Variants in CLSTN2 observed in about 807,000 individuals in gnomAD.
CLSTN2 encodes the protein calsyntenin 2.
A neutral mutation model predicts 101.2 loss-of-function variants in CLSTN2; 48 were observed. The ratio of observed to expected loss-of-function variants is 0.47; its 90% confidence interval spans 0.38 to 0.60. The LOEUF (loss-of-function observed/expected upper bound fraction) is 0.60, where lower values mean the gene tolerates loss of function less well. CLSTN2 is among the 20% of genes least tolerant of loss of function. The probability of loss-of-function intolerance (pLI) is 0.00; values close to 1 mark genes in which losing one functional copy is unlikely to be tolerated. For synonymous variants in CLSTN2, 481 were observed against 463.6 expected (o/e 1.04, Z -0.48); for missense variants, 1,160 against 1,238.2 (o/e 0.94, Z 0.95).
At chr3:139,957,874 GGAAACTTT>G (rs1935439659) in intron 1 of CLSTN2, among the ~76,000 whole-genome samples, 1 of 151,796 alleles carries the variant, frequency 6.6e-6, no homozygotes, top group Non-Finnish European at 1.5e-5. Flanking sequence ...GGCTAGTGCA[GGAAACTTT>G]CTTGGGCACT....
intron 8 of CLSTN2, among the ~76,000 whole-genome samples, chr3:140,469,717 A>G (rs1025501966): frequency 3.3e-5 from 5 of 152,188 alleles, no homozygotes; most frequent in African/African-American, 1.2e-4. Flanking sequence ...TCTTCTGTGC[A>G]TGTTATAGGC....
chr3:140,155,487 C>A (rs983673035), intron 1 of CLSTN2, among the ~76,000 whole-genome samples: 1 of 152,030 alleles, frequency 6.6e-6, no homozygotes, highest in African/African-American at 2.4e-5. Flanking sequence ...CAGTCAGAGG[C>A]GAGGAGTTTC....
intron 1 of CLSTN2, among the ~76,000 whole-genome samples, chr3:140,166,496 C>T (rs12634879): frequency 0.68 from 103,835 of 152,128 alleles, 39,717 homozygotes; most frequent in East Asian, 0.91. Flanking sequence ...CAGGGTTGTC[C>T]AGAAAGGTCA....
chr3:140,080,041 A>G (rs1033561176), intron 1 of CLSTN2, among the ~76,000 whole-genome samples: 3 of 152,216 alleles, frequency 2.0e-5, no homozygotes, highest in Admixed American at 2.0e-4. Flanking sequence ...TTCACATCCT[A>G]CATGAGGAGA....
At chr3:140,092,162 A>T (rs1036675104) in intron 1 of CLSTN2, among the ~76,000 whole-genome samples, 1 of 152,180 alleles carries the variant, frequency 6.6e-6, no homozygotes, top group Non-Finnish European at 1.5e-5. Context: ...GTGCCCCCTC[A>T]AACCTCCTGG....
intron 1 of CLSTN2, among the ~76,000 whole-genome samples, chr3:140,004,240 C>G (rs1467013053): frequency 6.6e-6 from 1 of 152,212 alleles, no homozygotes; most frequent in African/African-American, 2.4e-5. Context: ...ATGCAGTTCT[C>G]TTGTTTACTT....
intron 2 of CLSTN2, among the ~76,000 whole-genome samples, chr3:140,310,049 C>G (rs1178539399): frequency 1.3e-5 from 2 of 152,096 alleles, no homozygotes; most frequent in Admixed American, 6.5e-5. Flanking sequence ...CTAGCCTTCT[C>G]TGGTTTCCCT....
intron 2 of CLSTN2, among the ~76,000 whole-genome samples, chr3:140,385,917 G>A (rs1158781893): frequency 6.6e-6 from 1 of 152,184 alleles, no homozygotes; most frequent in African/African-American, 2.4e-5. Context: ...CTGGCAAAGA[G>A]AAGCACGGAG....
At chr3:140,349,843 CACCT>C (rs1471225447) in intron 2 of CLSTN2, among the ~76,000 whole-genome samples, 1 of 152,190 alleles carries the variant, frequency 6.6e-6, no homozygotes, top group African/African-American at 2.4e-5. Flanking sequence ...AGCACCCACC[CACCT>C]GTTTCACCAT....
At chr3:140,490,561 C>T (rs1407109503) in intron 8 of CLSTN2, among the ~76,000 whole-genome samples, 1 of 148,366 alleles carries the variant, frequency 6.7e-6, no homozygotes, top group African/African-American at 2.5e-5. Flanking sequence ...TGCCACTGTA[C>T]TCCATCCTGG....
intron 8 of CLSTN2, among the ~76,000 whole-genome samples, chr3:140,523,414 G>T (rs1935076947): frequency 6.6e-6 from 1 of 152,148 alleles, no homozygotes; most frequent in African/African-American, 2.4e-5. Flanking sequence ...CCCCAGTGCA[G>T]CTATGCTTTC....
At chr3:139,976,103 G>C (rs149270230) in intron 1 of CLSTN2, among the ~76,000 whole-genome samples, 25 of 152,310 alleles carry the variant, frequency 1.6e-4, no homozygotes, top group Middle Eastern at 3.4e-3. Context: ...TGACATTTCA[G>C]AATCTGTCCA....
At chr3:140,431,772 G>T (rs1248334524) in intron 5 of CLSTN2, among the ~76,000 whole-genome samples, 1 of 152,186 alleles carries the variant, frequency 6.6e-6, no homozygotes, top group Non-Finnish European at 1.5e-5. Flanking sequence ...GAGAAGGGCT[G>T]AACCCAACCC....
intron 9 of CLSTN2, among the ~76,000 whole-genome samples, chr3:140,533,267 CAGA>C (rs1370420136): frequency 1.3e-5 from 2 of 152,142 alleles, no homozygotes; most frequent in Non-Finnish European, 2.9e-5. Context: ...AGTAAGAGAG[CAGA>C]AGGATATGAA....
At chr3:140,447,200 G>A (rs1933102531) in intron 5 of CLSTN2, among the ~76,000 whole-genome samples, 1 of 152,230 alleles carries the variant, frequency 6.6e-6, no homozygotes, top group Non-Finnish European at 1.5e-5. Context: ...CTTCAGCAAA[G>A]GGATATCATC....
chr3:140,018,359 C>A (rs112388213), intron 1 of CLSTN2, among the ~76,000 whole-genome samples: 1 of 152,198 alleles, frequency 6.6e-6, no homozygotes, highest in African/African-American at 2.4e-5. Context: ...AATATTATAG[C>A]AGTCTCTGCT....
chr3:140,101,145 C>T (rs2008959004), intron 1 of CLSTN2, among the ~76,000 whole-genome samples: 1 of 152,104 alleles, frequency 6.6e-6, no homozygotes, highest in Non-Finnish European at 1.5e-5. Flanking sequence ...ATAATGTCTA[C>T]TTTATTAGGA....
chr3:140,066,172 G>A (rs1170719914), intron 1 of CLSTN2, among the ~76,000 whole-genome samples: 1 of 152,152 alleles, frequency 6.6e-6, no homozygotes. Flanking sequence ...ATTTCAGACA[G>A]GCATAAATGC....
chr3:140,267,649 A>G (rs763494747), intron 2 of CLSTN2, among the ~76,000 whole-genome samples: 11 of 152,214 alleles, frequency 7.2e-5, no homozygotes, highest in Non-Finnish European at 1.5e-4. Flanking sequence ...TCTTTCAGAC[A>G]CAAGCCCAGA....
Sources: allele counts gnomAD v4.1 joint callset (sites outside exome capture counted in the v4.1 genomes callset), GRCh38; gene constraint gnomAD v4.1.1; transcripts MANE v1.5; gene names NCBI Gene and HGNC (gene_info 2026-07-23, HGNC 2026-07-21).